Variants in FGGY observed in about 807,000 individuals in gnomAD.
The protein encoded by FGGY is FGGY carbohydrate kinase domain-containing protein.
A neutral mutation model predicts 71.3 loss-of-function variants in FGGY; 72 were observed. The ratio of observed to expected loss-of-function variants is 1.01; its 90% confidence interval spans 0.84 to 1.23. The LOEUF is 1.23. FGGY is among the 50% of genes most tolerant of loss of function. The probability of loss-of-function intolerance (pLI) is 0.00; values close to 1 mark genes in which losing one functional copy is unlikely to be tolerated. For missense variants in FGGY, 668 were observed against 682.3 expected, an observed-to-expected ratio of 0.98 and a Z score of 0.23; for synonymous variants, 251 against 250.3, an observed-to-expected ratio of 1.00 and a Z score of -0.02.
chr1:59,597,637 G>A (rs1458857733), intron 8 of FGGY, among the ~76,000 whole-genome samples: 1 of 152,174 alleles, frequency 6.6e-6, no homozygotes, highest in Non-Finnish European at 1.5e-5. Flanking sequence ...ACTGTACCAA[G>A]GCCAGTAATA....
chr1:59,696,010 T>C (rs1254582455), intron 14 of FGGY, among the ~76,000 whole-genome samples: 2 of 152,188 alleles, frequency 1.3e-5, no homozygotes, highest in African/African-American at 2.4e-5. Context: ...AGTGTTGCCA[T>C]CTATGAAATC....
chr1:59,573,686 G>C (rs1005730782), intron 8 of FGGY, among the ~76,000 whole-genome samples: 6 of 151,922 alleles, frequency 3.9e-5, no homozygotes, highest in Non-Finnish European at 7.4e-5. Context: ...GCTTATATTT[G>C]GCATAACCAT....
chr1:59,753,981 G>A (rs1399293665), intron 14 of FGGY, among the ~76,000 whole-genome samples: 2 of 152,144 alleles, frequency 1.3e-5, no homozygotes, highest in South Asian at 4.1e-4. Context: ...CAAAGAATAT[G>A]TAAAGGTAAA....
intron 8 of FGGY, among the ~76,000 whole-genome samples, chr1:59,586,296 G>T (rs1434979794): frequency 6.6e-6 from 1 of 152,148 alleles, no homozygotes; most frequent in Admixed American, 6.5e-5. Context: ...TTAAGAAAAT[G>T]TGGCAAATAT....
At chr1:59,573,704 T>C (rs1427840095) in intron 8 of FGGY, among the ~76,000 whole-genome samples, 2 of 152,198 alleles carry the variant, frequency 1.3e-5, no homozygotes, top group Admixed American at 6.6e-5. Context: ...CATGAGTTAA[T>C]ATACCACTCA....
chr1:59,342,004 T>G (rs2050800491), intron 3 of FGGY, among the ~76,000 whole-genome samples: 1 of 152,110 alleles, frequency 6.6e-6, no homozygotes, highest in South Asian at 2.1e-4. Context: ...GGGAACTTGG[T>G]TCCATAAAGC....
At chr1:59,652,373 A>G (rs1280003451) in intron 11 of FGGY, among the ~76,000 whole-genome samples, 27 of 149,970 alleles carry the variant, frequency 1.8e-4, no homozygotes, top group East Asian at 5.9e-4. Context: ...CATTCTCCCC[A>G]TCACTTTCAG....
intron 6 of FGGY, among the ~76,000 whole-genome samples, chr1:59,464,350 G>A (rs1409525988): frequency 6.6e-6 from 1 of 152,112 alleles, no homozygotes; most frequent in Non-Finnish European, 1.5e-5. Flanking sequence ...AGAATCTCTG[G>A]GACACGTTTA....
At chr1:59,593,476 C>T (rs2096482572) in intron 8 of FGGY, among the ~76,000 whole-genome samples, 1 of 152,298 alleles carries the variant, frequency 6.6e-6, no homozygotes, top group South Asian at 2.1e-4. Context: ...CCTGCTAATC[C>T]TCAGTTCCCT....
intron 7 of FGGY, among the ~76,000 whole-genome samples, chr1:59,539,509 A>T (rs2095406571): frequency 1.3e-5 from 2 of 152,216 alleles, no homozygotes; most frequent in African/African-American, 4.8e-5. Flanking sequence ...GTAAGGAAGC[A>T]ATGTATTTTT....
chr1:59,422,653 C>A (rs527992839), intron 5 of FGGY, among the ~76,000 whole-genome samples: 1 of 150,762 alleles, frequency 6.6e-6, no homozygotes, highest in South Asian at 2.1e-4. Context: ...TGTGATCATG[C>A]GCTGCACTCC....
intron 6 of FGGY, among the ~76,000 whole-genome samples, chr1:59,509,118 C>T (rs2094460689): frequency 6.6e-6 from 1 of 152,208 alleles, no homozygotes. Flanking sequence ...CCTGGAACAT[C>T]TGGCAGCTGT....
At chr1:59,747,070 C>T (rs907863378) in intron 14 of FGGY, among the ~76,000 whole-genome samples, 2 of 152,100 alleles carry the variant, frequency 1.3e-5, no homozygotes, top group Non-Finnish European at 2.9e-5. Flanking sequence ...TTACAGCTCA[C>T]GGCAGTACTA....
intron 9 of FGGY, among the ~76,000 whole-genome samples, chr1:59,617,486 T>C (rs2096767898): frequency 1.3e-5 from 2 of 152,100 alleles, no homozygotes; most frequent in South Asian, 4.1e-4. Flanking sequence ...ATTTACTTCT[T>C]CTTAGAAAAC....
At chr1:59,349,344 T>C (rs1486069084) in intron 4 of FGGY, among the ~76,000 whole-genome samples, 2 of 152,180 alleles carry the variant, frequency 1.3e-5, no homozygotes, top group East Asian at 1.9e-4. Context: ...TCACCTTTTT[T>C]GGCAACACAG....
intron 14 of FGGY, among the ~76,000 whole-genome samples, chr1:59,705,636 G>A (rs994537282): frequency 6.6e-5 from 10 of 152,216 alleles, no homozygotes; most frequent in East Asian, 1.9e-4. Flanking sequence ...TCATCTGAGC[G>A]TTGGATCATA....
intron 7 of FGGY, among the ~76,000 whole-genome samples, chr1:59,538,319 G>C (rs1035966601): frequency 1.3e-5 from 2 of 150,502 alleles, no homozygotes; most frequent in Non-Finnish European, 3.0e-5. Context: ...AGTTAGAATG[G>C]CAATCATTAA....
intron 14 of FGGY, chr1:59,680,820 A>G (rs1286718198): frequency 6.6e-6 from 1 of 152,192 alleles, no homozygotes; most frequent in Non-Finnish European, 1.5e-5. Flanking sequence ...TGTTTAATAC[A>G]AAGCCCACGC....
intron 14 of FGGY, among the ~76,000 whole-genome samples, chr1:59,706,395 C>T (rs1370686957): frequency 4.6e-5 from 7 of 152,216 alleles, no homozygotes; most frequent in Admixed American, 1.3e-4. Flanking sequence ...ATCTACCTCA[C>T]AGAGTTGTTA....
Sources: gnomAD v4.1 joint callset for allele counts (sites outside exome capture counted in the v4.1 genomes callset) on GRCh38, gnomAD v4.1.1 for gene constraint, MANE v1.5 for transcripts, NCBI Gene and HGNC (gene_info 2026-07-23, HGNC 2026-07-21) for gene names.